DYSF: variants seen among roughly 807,000 people sequenced by gnomAD.
The protein encoded by DYSF is dysferlin, also known as dystrophy-associated fer-1-like 1.
DYSF carries 212 observed loss-of-function variants against 274.9 expected under a neutral mutation model. The ratio of observed to expected loss-of-function variants is 0.77; its 90% CI spans 0.69 to 0.86. DYSF has a LOEUF of 0.86. Among genes scored for constraint, DYSF ranks in the 40% least tolerant of loss-of-function variants. The probability of loss-of-function intolerance (pLI) is 0.00; values close to 1 mark genes in which losing one functional copy is unlikely to be tolerated. For synonymous variants in DYSF, 1,091 were observed against 1,078.7 expected (o/e 1.01, Z -0.22); for missense variants, 2,666 against 2,783.2 (o/e 0.96, Z 0.95).
chr2:71,529,402 T>C (rs2088382306), intron 14 of DYSF, among the ~76,000 whole-genome samples: 1 of 152,242 alleles, frequency 6.6e-6, no homozygotes, highest in Non-Finnish European at 1.5e-5. Flanking sequence ...ATTTGTTCGA[T>C]TGTTTCCTTC....
In DYSF at chr2:71,454,019, C is replaced by T. The variant is rs2080944372; in HGVS notation, c.21C>T (p.Leu7=). The change falls in exon 1 of 55, where the codon CTC becomes CTT. Residue 7 remains leucine (L), a synonymous_variant. Transcript: ENST00000258104. ...CAAGCATGCTGAGGGTCTTCATCCT[C>T]TATGCCGAGAACGTCCACACACCCG... The T allele has an allele frequency of 6.2e-7, 1 of 1,614,064 alleles. No individual in the cohort carries two copies. Among genetic ancestry groups the T allele is most frequent in the African/African-American group, 1.3e-5 (1 of 74,946 alleles).
chr2:71,649,033 T>A (rs1027439119), intron 42 of DYSF, among the ~76,000 whole-genome samples: 1 of 151,040 alleles, frequency 6.6e-6, no homozygotes, highest in Non-Finnish European at 1.5e-5. Flanking sequence ...TGGGAAGTTA[T>A]CTGGAGAAAC....
chr2:71,608,342 G>A (rs2093682847), intron 36 of DYSF, among the ~76,000 whole-genome samples: 1 of 152,036 alleles, frequency 6.6e-6, no homozygotes, highest in South Asian at 2.1e-4. Flanking sequence ...AATTGGGGAG[G>A]AGCATTTGGA....
intron 41 of DYSF, among the ~76,000 whole-genome samples, chr2:71,630,725 A>C (rs2152907745): frequency 6.6e-6 from 1 of 152,298 alleles, no homozygotes; most frequent in African/African-American, 2.4e-5. Flanking sequence ...GTGCCAGCTG[A>C]CTTGGCACTG....
intron 52 of DYSF, among the ~76,000 whole-genome samples, chr2:71,676,750 A>G (rs1467160843): frequency 1.3e-5 from 2 of 152,188 alleles, no homozygotes; most frequent in African/African-American, 2.4e-5. Context: ...TTTTATATCC[A>G]TGAAATTTTT....
At chr2:71,466,532 G>C (rs181420956), upstream of DYSF, among the ~76,000 whole-genome samples, 111 of 152,288 alleles carry the variant, frequency 7.3e-4, no homozygotes, top group Non-Finnish European at 1.4e-3. Context: ...TCCTGGCCGG[G>C]AGCTGGGACC....
chr2:71,686,323 G>A (rs2095356131), intron 55 of DYSF, 131 bp from the exon 56 acceptor site: 5 of 1,136,642 alleles, frequency 4.4e-6, no homozygotes, highest in Non-Finnish European at 6.7e-6. Flanking sequence ...AGAGCCACGA[G>A]CGTCCTCTCC....
chr2:71,633,733 A>T (rs2094351629), intron 41 of DYSF, among the ~76,000 whole-genome samples: 1 of 152,202 alleles, frequency 6.6e-6, no homozygotes, highest in Non-Finnish European at 1.5e-5. Context: ...ATAGTTCTGC[A>T]TAGTGACCCA....
At chr2:71,461,332 A>G (rs929311970) in intron 1 of DYSF, among the ~76,000 whole-genome samples, 1 of 152,244 alleles carries the variant, frequency 6.6e-6, no homozygotes, top group Non-Finnish European at 1.5e-5. Flanking sequence ...TGGAGAGGTG[A>G]TCTTTAAGCT....
chr2:71,570,188 C>T (rs1559183221), intron 27 of DYSF, 41 bp from the exon 28 acceptor site: 2 of 1,562,384 alleles, frequency 1.3e-6, no homozygotes, highest in East Asian at 4.5e-5. Context: ...TCACATCTGT[C>T]TGTCTCCTCT....
At chr2:71,504,700 A>C (rs1159187415) in intron 4 of DYSF, among the ~76,000 whole-genome samples, 1 of 150,676 alleles carries the variant, frequency 6.6e-6, no homozygotes. Flanking sequence ...GCATCTCTCC[A>C]CTCCAGCTCT....
intron 1 of DYSF, among the ~76,000 whole-genome samples, chr2:71,471,234 A>G (rs918771625): frequency 6.6e-6 from 1 of 152,214 alleles, no homozygotes; most frequent in Non-Finnish European, 1.5e-5. Context: ...CATTTCCTCC[A>G]AGATTTTTTT....
intron 1 of DYSF, among the ~76,000 whole-genome samples, chr2:71,469,930 A>G (rs1281690021): frequency 6.6e-6 from 1 of 152,180 alleles, no homozygotes; most frequent in African/African-American, 2.4e-5. Context: ...CTATTCATGC[A>G]GTTAGTTCAT....
intron 55 of DYSF, among the ~76,000 whole-genome samples, chr2:71,683,967 G>A (rs2095326865): frequency 6.6e-6 from 1 of 152,238 alleles, no homozygotes; most frequent in African/African-American, 2.4e-5. Flanking sequence ...AAGGATGTCT[G>A]GTTTGGATGT....
intron 41 of DYSF, among the ~76,000 whole-genome samples, chr2:71,630,739 C>T (rs1000211278): frequency 3.3e-5 from 5 of 152,224 alleles, no homozygotes; most frequent in Non-Finnish European, 4.4e-5. Context: ...GGCACTGACA[C>T]ATCCATCTCC....
At chr2:71,527,395 T>A (rs1007923908) in intron 13 of DYSF, among the ~76,000 whole-genome samples, 1 of 152,172 alleles carries the variant, frequency 6.6e-6, no homozygotes, top group South Asian at 2.1e-4. Context: ...CTTACTTAGA[T>A]CAAATCCTGA....
chr2:71,663,038 T>C (rs2094927403), intron 45 of DYSF, among the ~76,000 whole-genome samples: 2 of 152,252 alleles, frequency 1.3e-5, no homozygotes, highest in East Asian at 3.8e-4. Flanking sequence ...TGTGTGTGTG[T>C]GTGCGCGCAC....
intron 19 of DYSF, among the ~76,000 whole-genome samples, chr2:71,552,258 G>A (rs1054381584): frequency 2.0e-5 from 3 of 152,194 alleles, no homozygotes; most frequent in Non-Finnish European, 2.9e-5. Context: ...TGGTCAGATC[G>A]CTCTGGTTTG....
intron 51 of DYSF, among the ~76,000 whole-genome samples, chr2:71,671,796 G>T: frequency 6.6e-6 from 1 of 152,330 alleles, no homozygotes; most frequent in South Asian, 2.1e-4. Flanking sequence ...CAATGTTGTG[G>T]TTTTGTCTCT....
Sources: gnomAD v4.1 joint callset for allele counts (sites outside exome capture counted in the v4.1 genomes callset) on GRCh38, gnomAD v4.1.1 for gene constraint, MANE v1.5 for transcripts, NCBI Gene and HGNC (gene_info 2026-07-23, HGNC 2026-07-21) for gene names.